Variants in MAPKBP1 observed in about 807,000 individuals in gnomAD.
MAPKBP1 encodes mitogen-activated protein kinase binding protein 1.
In MAPKBP1, 71 loss-of-function variants were observed where a neutral mutation model predicts 170.5. That is an observed-to-expected ratio of 0.42 (90% CI 0.34 to 0.51). The LOEUF is 0.51. Among genes scored for constraint, MAPKBP1 ranks in the 20% least tolerant of loss-of-function variants. The pLI, the probability that MAPKBP1 is intolerant of heterozygous loss-of-function variation, is 0.06. For synonymous variants in MAPKBP1, 719 were observed against 757.9 expected (o/e 0.95, Z 0.84); for missense variants, 1,598 against 1,933.0 (o/e 0.83, Z 3.25).
At chr15:41,822,481 A>C in intron 26 of MAPKBP1, 59 bp downstream of exon 26, 4 of 1,599,864 alleles carry the variant, frequency 2.5e-6, no homozygotes, top group Non-Finnish European at 3.4e-6. Context: ...CTCCTTGCCT[A>C]CCTGAGAGGA....
chr15:41,808,565 T>A (rs1395920287), intron 3 of MAPKBP1, among the ~76,000 whole-genome samples: 1 of 150,466 alleles, frequency 6.6e-6, no homozygotes, highest in African/African-American at 2.5e-5. Flanking sequence ...AACCTTCACC[T>A]CCTGGGTTCA....
chr15:41,817,658 G>T lies in MAPKBP1; in HGVS notation c.1827G>T (p.Arg609=). The T allele has an allele frequency of 6.2e-7, 1 of 1,614,222 alleles. No individual in the cohort carries two copies. The highest frequency in any genetic ancestry group is 1.3e-5 in the African/African-American group (1 of 75,054). ...TCACACGGACACACCACGTGGTGCGGAAGACGACCCTCTATGACATGGATG... is the reference window on the plus strand; with the variant it reads ...TCACACGGACACACCACGTGGTGCGTAAGACGACCCTCTATGACATGGATG... ...VQFTRTHHVV[R]KTTLYDMDVE... Residue 609 remains arginine, a synonymous_variant, in exon 16 of 31, where the codon CGG becomes CGT. Coordinates refer to ENST00000457542, the MANE Select transcript of MAPKBP1 (RefSeq NM_014994.3). This position sits in a 1 kb window ranked among gnomAD's most constrained non-coding sequence, Gnocchi z 4.2.
At chr15:41,813,997 T>C (rs74751044) in intron 9 of MAPKBP1, among the ~76,000 whole-genome samples, 1,820 of 152,228 alleles carry the variant, frequency 0.012, 29 homozygotes, top group African/African-American at 0.042. Context: ...AAGTGGGTGT[T>C]AGGAGGGACA....
In MAPKBP1 at chr15:41,822,207, T is replaced by C; in HGVS notation, c.3032-18T>C. 1 of 1,607,798 alleles carries C rather than the reference T, an allele frequency of 6.2e-7. No homozygotes were observed. Among genetic ancestry groups the C allele is most frequent in the Non-Finnish European group, 8.5e-7 (1 of 1,175,944 alleles). ...AGATGGGTGCAGTGCGATGCCTCTC[T>C]CCCCTCCCCACACCCAGACTCTGAG... On this transcript the variant is annotated intron_variant, in intron 25 of 30. Coordinates refer to ENST00000457542, the MANE Select transcript of MAPKBP1 (RefSeq NM_014994.3).
At chr15:41,782,547 A>G (rs2064209187) in intron 2 of MAPKBP1, among the ~76,000 whole-genome samples, 1 of 152,210 alleles carries the variant, frequency 6.6e-6, no homozygotes, top group Non-Finnish European at 1.5e-5. Flanking sequence ...TTTGTAGTTA[A>G]GAAAACTAAT....
intron 3 of MAPKBP1, among the ~76,000 whole-genome samples, chr15:41,804,583 G>C (rs931163352): frequency 6.6e-6 from 1 of 152,214 alleles, no homozygotes; most frequent in Non-Finnish European, 1.5e-5. Context: ...TGGAGAGTGT[G>C]GAGTCCTGCC....
chr15:41,781,975 G>A (rs778882870), intron 2 of MAPKBP1, among the ~76,000 whole-genome samples: 5 of 151,784 alleles, frequency 3.3e-5, no homozygotes, highest in African/African-American at 7.3e-5. Flanking sequence ...CAGGCCGGGC[G>A]CAGTGGCTCA....
At chr15:41,792,771 A>C (rs966612240) in intron 2 of MAPKBP1, among the ~76,000 whole-genome samples, 1 of 152,218 alleles carries the variant, frequency 6.6e-6, no homozygotes, top group African/African-American at 2.4e-5. Context: ...CTTTGGGCTG[A>C]ATCCCAGACT....
At position 41,818,645 on chromosome 15, in the gene MAPKBP1, CCTCT is replaced by C; in HGVS notation, c.2156+67_2156+70del. The C allele has an allele frequency of 6.5e-7, 1 of 1,541,174 alleles. No homozygotes were observed. Among genetic ancestry groups the C allele is most frequent in the African/African-American group, 1.4e-5 (1 of 73,148 alleles). ...ACTCTGCCACAGCACCCTGCCCTCC[CCTCT>C]CTCCATTTCAGTGATGTCTCTGGGA... is the stretch of plus-strand genomic sequence containing the variant. On this transcript the variant is annotated intron_variant, in intron 19 of 30. Coordinates refer to ENST00000457542, the MANE Select transcript of MAPKBP1 (RefSeq NM_014994.3). The surrounding 1 kb of genome is among the most constrained non-coding windows in gnomAD (Gnocchi z 5.2).
rs541171646 is a variant in MAPKBP1, at chr15:41,811,254, T to C, written c.327+19T>C. On this transcript the variant is annotated intron_variant, in intron 5 of 30. Transcript: ENST00000457542. ...TGGAGAGGTGAGTGAGGAAGAGGGC[T>C]GGCAGTACTGTAAAGAGGGCAGGTG... 2.8e-5 allele frequency: 46 copies of C among 1,614,160 alleles called. No individual in the cohort carries two copies. The highest frequency in any genetic ancestry group is 6.7e-5 in the Admixed American group (4 of 60,026).
At chr15:41,795,054 G>A (rs1206261235) in intron 2 of MAPKBP1, among the ~76,000 whole-genome samples, 1 of 151,470 alleles carries the variant, frequency 6.6e-6, no homozygotes, top group African/African-American at 2.4e-5. Context: ...AATCTCAGCT[G>A]CCTGGGAGGC....
chr15:41,816,539 A>C lies in MAPKBP1; in HGVS notation c.1494-20A>C, dbSNP rs765558837. The C allele has an allele frequency of 6.3e-7, 1 of 1,592,692 alleles. No individual in the cohort carries two copies. The highest frequency in any genetic ancestry group is 2.2e-5 in the East Asian group (1 of 44,772). ...TGCGGCCTGGCCATGGCCTCTTCCC[A>C]CCTCTCCTCATCTTTGCAGGGTGCA... On this transcript the variant is annotated intron_variant, in intron 12 of 30. Coordinates refer to ENST00000457542, the MANE Select transcript of MAPKBP1 (RefSeq NM_014994.3).
At chr15:41,820,004 T>G (rs1013574266) in intron 22 of MAPKBP1, among the ~76,000 whole-genome samples, 1 of 152,084 alleles carries the variant, frequency 6.6e-6, no homozygotes, top group African/African-American at 2.4e-5. Flanking sequence ...AGCCAGATAG[T>G]TAGAACTAAA....
At chr15:41,819,433 G>T (rs1339003947) in intron 21 of MAPKBP1, 54 bp downstream of exon 21, 1 of 1,606,212 alleles carries the variant, frequency 6.2e-7, no homozygotes, top group Non-Finnish European at 8.5e-7. Flanking sequence ...ATAATGGCTA[G>T]ATATGGTTTT....
At chr15:41,783,578 A>G (rs2043724499) in intron 2 of MAPKBP1, among the ~76,000 whole-genome samples, 1 of 152,156 alleles carries the variant, frequency 6.6e-6, no homozygotes, top group Non-Finnish European at 1.5e-5. Context: ...ATAACATTAT[A>G]GGTGCAAAAG....
At chr15:41,819,554 G>GGGGGGGGGGA (rs773571136) in intron 21 of MAPKBP1, 41 bp from the exon 22 acceptor site, 7 of 1,495,356 alleles carry the variant, frequency 4.7e-6, no homozygotes, top group South Asian at 1.1e-5. Context: ...TGGCGGGGGG[G>GGGGGGGGGGA]GGGCAGGAGA....
At position 41,820,954 on chromosome 15, in the gene MAPKBP1, G is replaced by T. The variant is rs1006397290; in HGVS notation, c.2604G>T (p.Gln868His). The change falls in exon 23 of 31, where the codon CAG (glutamine) becomes CAT (histidine). Residue 868 changes from glutamine to histidine, a missense_variant. By Grantham distance (24) the Gln-to-His change is conservative. Around this residue, in one of 6 missense-constraint regions of MAPKBP1, gnomAD observed 942 missense variants for 953.2 expected, o/e 0.99. Coordinates refer to ENST00000457542, the MANE Select transcript of MAPKBP1 (RefSeq NM_014994.3). ...TTAGATCCATGCTGGATCTGCGGCA[G>T]CTGGAAACACTGGCCCCAAGCCTGC... ...LSVRSMLDLR[Q>H]LETLAPSLQD... 1.5e-5 allele frequency: 25 copies of T among 1,614,200 alleles called. No homozygotes were observed. The highest frequency in any genetic ancestry group is 1.9e-5 in the Non-Finnish European group (23 of 1,180,048).
At chr15:41,819,724 G>A in intron 22 of MAPKBP1, 74 bp downstream of exon 22, 2 of 1,458,172 alleles carry the variant, frequency 1.4e-6, no homozygotes, top group Non-Finnish European at 9.4e-7. Context: ...GGGCTCTCTG[G>A]GCCTGGTAGG....
chr15:41,791,444 T>C (rs1364169090), intron 2 of MAPKBP1, among the ~76,000 whole-genome samples: 1 of 152,176 alleles, frequency 6.6e-6, no homozygotes, highest in Non-Finnish European at 1.5e-5. Context: ...TGCCAACTTC[T>C]GTTGTGGGTC....
Sources: gnomAD v4.1 joint callset for allele counts (sites outside exome capture counted in the v4.1 genomes callset) on GRCh38, gnomAD v4.1.1 for gene constraint, gnomAD v4.1.1 regional missense constraint, Gnocchi (gnomAD v3.1) non-coding constraint, MANE v1.5 for transcripts, NCBI Gene and HGNC (gene_info 2026-07-23, HGNC 2026-07-21) for gene names.